Variants in SPIDR observed in about 807,000 individuals in gnomAD.
The protein encoded by SPIDR is scaffold protein involved in DNA repair.
In SPIDR, 93 loss-of-function variants were observed where a neutral mutation model predicts 104.6. That is an observed-to-expected ratio of 0.89 (90% CI 0.75 to 1.06). The LOEUF is 1.06. Among genes scored for constraint, SPIDR ranks in the 50% least tolerant of loss-of-function variants. The pLI is 0.00. For missense variants in SPIDR, 1,154 were observed against 1,111.2 expected, an observed-to-expected ratio of 1.04 and a Z score of -0.55; for synonymous variants, 431 against 416.9, an observed-to-expected ratio of 1.03 and a Z score of -0.41.
chr8:47,260,952 C>A lies in SPIDR; in HGVS notation c.-7C>A. The A allele has an allele frequency of 8.1e-7, 1 of 1,228,596 alleles. No individual in the cohort carries two copies. Among genetic ancestry groups the A allele is most frequent in the Non-Finnish European group, 1.0e-6 (1 of 985,620 alleles). The allele number at this position is 1,228,596 out of a possible 1,614,324, so 76.1% of individuals were successfully genotyped here. A position where few individuals can be genotyped will look rare whatever the true frequency, so the allele number is the denominator to read the frequency against. ...GGAGGCGGTGCGCTCAGGCGGCGCT[C>A]CCGGAGATGCCCCGCGGCAGCCGCG... On this transcript the variant is annotated 5_prime_UTR_variant, in exon 1 of 20. Transcript: ENST00000297423.
intron 1 of SPIDR, among the ~76,000 whole-genome samples, chr8:47,261,577 A>G (rs937817074): frequency 6.6e-6 from 1 of 152,160 alleles, no homozygotes; most frequent in Admixed American, 6.5e-5. Context: ...TTGTCATGGC[A>G]TGTGTCCTTT....
At chr8:47,416,455 T>A (rs942292787) in intron 7 of SPIDR, among the ~76,000 whole-genome samples, 1 of 152,164 alleles carries the variant, frequency 6.6e-6, no homozygotes, top group African/African-American at 2.4e-5. Context: ...GTTTCCATAT[T>A]TGAGTCATTA....
chr8:47,667,584 A>G (rs1330967156), intron 10 of SPIDR, among the ~76,000 whole-genome samples: 1 of 152,202 alleles, frequency 6.6e-6, no homozygotes, highest in Non-Finnish European at 1.5e-5. Flanking sequence ...TAGGAAAGGC[A>G]TAATAGAATA....
intron 10 of SPIDR, among the ~76,000 whole-genome samples, chr8:47,627,723 G>C (rs1048934094): frequency 6.6e-6 from 1 of 151,800 alleles, no homozygotes; most frequent in Non-Finnish European, 1.5e-5. Context: ...GGTGCTCAGC[G>C]AGTCCCCTGC....
chr8:47,426,348 A>G (rs1554684805), intron 7 of SPIDR, among the ~76,000 whole-genome samples: 1 of 152,134 alleles, frequency 6.6e-6, no homozygotes, highest in African/African-American at 2.4e-5. Flanking sequence ...AATATTGTAA[A>G]TTGATGCCTT....
intron 5 of SPIDR, among the ~76,000 whole-genome samples, chr8:47,302,356 T>C (rs1008215299): frequency 1.1e-3 from 164 of 151,522 alleles, no homozygotes; most frequent in Non-Finnish European, 2.0e-3. Flanking sequence ...CTCGTTTTTT[T>C]CCAAGATTTT....
chr8:47,557,086 C>T (rs1029516774), intron 8 of SPIDR, among the ~76,000 whole-genome samples: 2 of 152,052 alleles, frequency 1.3e-5, no homozygotes, highest in African/African-American at 4.8e-5. Flanking sequence ...CCAGGCCAGC[C>T]CCCAAAAGTC....
At chr8:47,564,607 G>C (rs2057534396) in intron 8 of SPIDR, among the ~76,000 whole-genome samples, 1 of 151,436 alleles carries the variant, frequency 6.6e-6, no homozygotes, top group South Asian at 2.1e-4. Flanking sequence ...TTGAACTCGG[G>C]AGGCAGAAGT....
intron 5 of SPIDR, among the ~76,000 whole-genome samples, chr8:47,310,183 A>C (rs982389429): frequency 6.7e-6 from 1 of 150,294 alleles, no homozygotes; most frequent in Admixed American, 6.7e-5. Context: ...AAATACAAAA[A>C]ATTAGCCGGG....
intron 8 of SPIDR, among the ~76,000 whole-genome samples, chr8:47,466,912 T>TATATATAGATAG (rs1462336747): frequency 2.8e-4 from 32 of 113,352 alleles, no homozygotes; most frequent in Non-Finnish European, 3.8e-4. Flanking sequence ...TATATATATA[T>TATATATAGATAG]ATAGATAGAT....
intron 9 of SPIDR, among the ~76,000 whole-genome samples, chr8:47,598,401 T>G (rs1425798054): frequency 2.6e-5 from 4 of 152,182 alleles, no homozygotes; most frequent in African/African-American, 9.6e-5. Flanking sequence ...ATATGTACAT[T>G]TAAAAGCCTG....
At chr8:47,400,740 A>G (rs565043317) in intron 6 of SPIDR, among the ~76,000 whole-genome samples, 1 of 151,872 alleles carries the variant, frequency 6.6e-6, no homozygotes, top group African/African-American at 2.4e-5. Context: ...CACCAATGCA[A>G]AATTGTTAGA....
chr8:47,587,872 GTCTA>G (rs2060438326), intron 8 of SPIDR, among the ~76,000 whole-genome samples: 1 of 150,448 alleles, frequency 6.6e-6, no homozygotes, highest in African/African-American at 2.4e-5. Flanking sequence ...TGATCTATGT[GTCTA>G]TCCCTTCAAT....
intron 10 of SPIDR, among the ~76,000 whole-genome samples, chr8:47,600,436 G>C (rs2062126651): frequency 6.6e-6 from 1 of 152,146 alleles, no homozygotes; most frequent in Non-Finnish European, 1.5e-5. Context: ...ACTCCGGTGT[G>C]AATTATGAAT....
At chr8:47,420,063 G>C (rs567146212) in intron 7 of SPIDR, among the ~76,000 whole-genome samples, 3 of 152,110 alleles carry the variant, frequency 2.0e-5, no homozygotes, top group Non-Finnish European at 4.4e-5. Context: ...AATAGGTGTG[G>C]TGTGGTGCTG....
chr8:47,597,499 C>T (rs1280157836), intron 9 of SPIDR, among the ~76,000 whole-genome samples: 1 of 152,156 alleles, frequency 6.6e-6, no homozygotes, highest in Non-Finnish European at 1.5e-5. Flanking sequence ...AATTTTTCGT[C>T]TCCATCATAG....
rs1264040140 is a variant in SPIDR at position 47,599,050 on chromosome 8, G to A, written c.1398G>A (p.Leu466=). Reference sequence around the variant, plus strand: ...GCACTCCCCTGAGGGATTCTCTCCTGGATGTGGTGGAAAGCCAGGGAGCTG... The same window carrying A: ...GCACTCCCCTGAGGGATTCTCTCCTAGATGTGGTGGAAAGCCAGGGAGCTG... ...PTSTPLRDSL[L]DVVESQGAAS... The change falls in exon 10 of 20, where the codon CTG becomes CTA. Residue 466 remains leucine (L), a synonymous_variant. Transcript: ENST00000297423. 1.9e-6 allele frequency: 3 copies of A among 1,612,962 alleles called. No homozygotes were observed. In the Admixed American group the frequency reaches 5.0e-5, roughly 27 times the overall value.
intron 10 of SPIDR, among the ~76,000 whole-genome samples, chr8:47,648,513 G>T (rs1282013355): frequency 6.6e-6 from 1 of 152,224 alleles, no homozygotes; most frequent in Non-Finnish European, 1.5e-5. Flanking sequence ...GTCTGTTTGT[G>T]TGAGAGGGTG....
At chr8:47,448,501 C>T (rs1585876938) in intron 8 of SPIDR, among the ~76,000 whole-genome samples, 1 of 152,232 alleles carries the variant, frequency 6.6e-6, no homozygotes, top group East Asian at 1.9e-4. Context: ...AAGGAGCTCA[C>T]AGTGTGGTGG....
Sources: gnomAD v4.1 joint callset for allele counts (sites outside exome capture counted in the v4.1 genomes callset) on GRCh38, gnomAD v4.1.1 for gene constraint, MANE v1.5 for transcripts, NCBI Gene and HGNC (gene_info 2026-07-23, HGNC 2026-07-21) for gene names.